Variants in SCARA5 observed in about 807,000 individuals in gnomAD.
The protein encoded by SCARA5 is scavenger receptor class A, member 5 (putative).
In SCARA5, 45 loss-of-function variants were observed where a neutral mutation model predicts 46.3. The observed-to-expected ratio is 0.97, with a 90% CI of 0.76 to 1.24. The LOEUF is 1.24. Among genes scored for constraint, SCARA5 ranks in the 50% most tolerant of loss-of-function variants. The probability of loss-of-function intolerance (pLI) is 0.00; values close to 1 mark genes in which losing one functional copy is unlikely to be tolerated. For missense variants in SCARA5, 680 were observed against 689.0 expected (o/e 0.99, Z 0.15); for synonymous variants, 333 against 306.5 (o/e 1.09, Z -0.90).
intron 2 of SCARA5, among the ~76,000 whole-genome samples, chr8:27,977,298 C>A (rs1808540480): frequency 6.6e-6 from 1 of 152,134 alleles, no homozygotes; most frequent in South Asian, 2.1e-4. Context: ...GTCCATTGCA[C>A]CCACAGAAAA....
At chr8:27,936,855 T>C (rs1362646897) in intron 3 of SCARA5, among the ~76,000 whole-genome samples, 2 of 152,150 alleles carry the variant, frequency 1.3e-5, no homozygotes, top group African/African-American at 2.4e-5. Flanking sequence ...CGGGGCTGGC[T>C]ACTTTGTGCC....
At position 27,954,293 on chromosome 8, in the gene SCARA5, T is replaced by C. The variant is rs191929782; in HGVS notation, c.241+12121A>G. Reference sequence around the variant, plus strand: ...TTCTCGGGGCGACAGAAGATTCCTGTGACCTCTTAAAAGGGTGGTCTTATG... The same window carrying C: ...TTCTCGGGGCGACAGAAGATTCCTGCGACCTCTTAAAAGGGTGGTCTTATG... On this transcript the variant is annotated intron_variant, in intron 3 of 8. Transcript: ENST00000354914. Among the ~76,000 whole-genome samples, 181 of 152,214 alleles carry C rather than the reference T, an allele frequency of 1.2e-3. 3 individuals are homozygous for C. The East Asian group carries it at 0.026, about 22-fold the overall frequency.
At chr8:27,941,971 C>T (rs371175218) in intron 3 of SCARA5, among the ~76,000 whole-genome samples, 21 of 151,946 alleles carry the variant, frequency 1.4e-4, no homozygotes, top group Non-Finnish European at 2.5e-4. Flanking sequence ...GGATTACAGG[C>T]GTGCACCTTC....
intron 5 of SCARA5, among the ~76,000 whole-genome samples, chr8:27,908,548 A>G (rs1035053015): frequency 6.6e-6 from 1 of 152,160 alleles, no homozygotes; most frequent in East Asian, 1.9e-4. Context: ...GTCTCCCAGT[A>G]ATGAATTACT....
chr8:27,944,473 G>A (rs759438395), intron 3 of SCARA5, among the ~76,000 whole-genome samples: 49 of 152,160 alleles, frequency 3.2e-4, no homozygotes, highest in Admixed American at 1.3e-3. Context: ...GCAGGTACAC[G>A]CAAATGGCAT....
chr8:27,953,774 G>T (rs779086541), intron 3 of SCARA5, among the ~76,000 whole-genome samples: 2 of 152,244 alleles, frequency 1.3e-5, no homozygotes, highest in Non-Finnish European at 2.9e-5. Context: ...CATTGGGGGA[G>T]TCACCTTAGA....
intron 4 of SCARA5, among the ~76,000 whole-genome samples, chr8:27,917,134 A>G (rs905633157): frequency 2.0e-5 from 3 of 152,224 alleles, no homozygotes; most frequent in African/African-American, 4.8e-5. Context: ...TGCTGCTTAT[A>G]AATGTCCCAG....
chr8:27,964,686 G>A (rs1265875887), intron 3 of SCARA5, among the ~76,000 whole-genome samples: 1 of 151,850 alleles, frequency 6.6e-6, no homozygotes, highest in Admixed American at 6.6e-5. Context: ...TTTCCACATG[G>A]CAGCCATCCA....
chr8:27,878,078 C>T (rs759513627), intron 8 of SCARA5, among the ~76,000 whole-genome samples: 12 of 152,192 alleles, frequency 7.9e-5, no homozygotes, highest in African/African-American at 1.2e-4. Flanking sequence ...ACAGCAGGTA[C>T]GCCCGGCTCC....
At chr8:27,913,171 T>C (rs904408639) in intron 4 of SCARA5, among the ~76,000 whole-genome samples, 2 of 152,152 alleles carry the variant, frequency 1.3e-5, no homozygotes, top group African/African-American at 4.8e-5. Flanking sequence ...ACAGATGGAT[T>C]TTGTTTTAAA....
Position 27,870,173 on chromosome 8 carries a change from T to C in SCARA5, c.*1761A>G, listed in dbSNP as rs897833616. On this transcript the variant is annotated 3_prime_UTR_variant, in exon 9 of 9. Transcript: ENST00000354914. ...AACTGGATTCTTTGCCAGAACCGGG[T>C]TGGGAATTTAGTTTGTTCAATGTGG... is the stretch of plus-strand genomic sequence containing the variant. 6.6e-6 allele frequency: 1 copy of C among 151,576 alleles called. No homozygotes were observed. The highest frequency in any genetic ancestry group is 1.5e-5 in the Non-Finnish European group (1 of 67,928). 9.4% of individuals were successfully genotyped at this position (151,576 alleles called of 1,614,324 possible).
At chr8:27,942,355 G>A (rs1402501177) in intron 3 of SCARA5, among the ~76,000 whole-genome samples, 1 of 152,174 alleles carries the variant, frequency 6.6e-6, no homozygotes, top group Non-Finnish European at 1.5e-5. Flanking sequence ...CCTAGAACTA[G>A]GTAGTTGCTT....
chr8:27,942,695 G>A (rs1807971430), intron 3 of SCARA5, among the ~76,000 whole-genome samples: 1 of 152,120 alleles, frequency 6.6e-6, no homozygotes, highest in South Asian at 2.1e-4. Context: ...CGCTGACTTG[G>A]CCCTTTCTTG....
In SCARA5 at chr8:27,882,528, C is replaced by T. The variant is rs75987081; in HGVS notation, c.1154-2762G>A. 7.3e-4 allele frequency among the ~76,000 whole-genome samples: 111 copies of T among 152,296 alleles called. 3 individuals carry two copies. In the East Asian group the frequency reaches 0.012, roughly 17 times the overall value. ...CCAAGGATGGTTAAGACTTTGTGGG[C>T]AGGTAGCATGGCTGTGTCCCGGGAA... On this transcript the variant is annotated intron_variant, in intron 7 of 8. Coordinates refer to ENST00000354914, the MANE Select transcript of SCARA5 (RefSeq NM_173833.6).
chr8:27,926,828 C>T (rs1324062375), intron 3 of SCARA5, among the ~76,000 whole-genome samples: 1 of 152,106 alleles, frequency 6.6e-6, no homozygotes, highest in Non-Finnish European at 1.5e-5. Context: ...GGGATGTAGG[C>T]TGGAGCTGGC....
chr8:27,911,922 T>G (rs910566999), intron 4 of SCARA5, among the ~76,000 whole-genome samples: 1 of 151,994 alleles, frequency 6.6e-6, no homozygotes, highest in African/African-American at 2.4e-5. Flanking sequence ...CACAGAGATA[T>G]GAGAGCACAT....
intron 5 of SCARA5, among the ~76,000 whole-genome samples, chr8:27,909,278 G>A (rs1172457388): frequency 2.0e-5 from 3 of 152,110 alleles, no homozygotes; most frequent in East Asian, 1.9e-4. Flanking sequence ...ATGGTGGGGC[G>A]GGAGGGTGGC....
rs1450907760 is a variant in SCARA5 at position 27,899,457 on chromosome 8, G to A, written c.1153+5321C>T. Reference sequence around the variant, plus strand: ...CTGAAAAACAGGATTTTCTCAAAGTGGAAGTGCAGACAAGAGAAGGAGCAG... The same window carrying A: ...CTGAAAAACAGGATTTTCTCAAAGTAGAAGTGCAGACAAGAGAAGGAGCAG... On this transcript the variant is annotated intron_variant, in intron 7 of 8. Transcript: ENST00000354914. Among the ~76,000 whole-genome samples the A allele has an allele frequency of 1.2e-4, 19 of 152,346 alleles. No individual in the cohort carries two copies. The East Asian group carries it at 3.5e-3, about 28-fold the overall frequency.
At chr8:27,969,690 T>C (rs1210571887) in intron 2 of SCARA5, among the ~76,000 whole-genome samples, 1 of 152,158 alleles carries the variant, frequency 6.6e-6, no homozygotes, top group Admixed American at 6.5e-5. Flanking sequence ...GGTTCACTGA[T>C]AGTAACAAAT....
Sources: gnomAD v4.1 joint callset for allele counts (sites outside exome capture counted in the v4.1 genomes callset) on GRCh38, gnomAD v4.1.1 for gene constraint, MANE v1.5 for transcripts, NCBI Gene and HGNC (gene_info 2026-07-23, HGNC 2026-07-21) for gene names.